Variants in HEATR5A observed in about 807,000 individuals in gnomAD.
The protein encoded by HEATR5A is HEAT repeat-containing protein 5A.
In HEATR5A, 178 loss-of-function variants were observed where a neutral mutation model predicts 218.8. The ratio of observed to expected loss-of-function variants is 0.81; its 90% CI spans 0.72 to 0.92. The LOEUF (loss-of-function observed/expected upper bound fraction) is 0.92, where lower values mean the gene tolerates loss of function less well. Among genes scored for constraint, HEATR5A ranks in the 40% least tolerant of loss-of-function variants. The probability of loss-of-function intolerance (pLI) is 0.00; values close to 1 mark genes in which losing one functional copy is unlikely to be tolerated. For synonymous variants in HEATR5A, 864 were observed against 871.6 expected (o/e 0.99, Z 0.15); for missense variants, 2,420 against 2,418.9 (o/e 1.00, Z -0.01).
At chr14:31,328,550 A>G (rs1005507903) in intron 22 of HEATR5A, among the ~76,000 whole-genome samples, 1 of 152,128 alleles carries the variant, frequency 6.6e-6, no homozygotes, top group Non-Finnish European at 1.5e-5. Context: ...TCATACTGCT[A>G]TAAAGACATA....
chr14:31,344,958 T>C, intron 20 of HEATR5A, 129 bp downstream of exon 20: 2 of 722,114 alleles, frequency 2.8e-6, no homozygotes, highest in Non-Finnish European at 4.6e-6. Flanking sequence ...TCAGGCTGAA[T>C]GGCATTTATA....
In HEATR5A at chr14:31,302,388, A is replaced by G; in HGVS notation, c.5371T>C (p.Ser1791Pro). 6.2e-7 allele frequency: 1 copy of G among 1,603,404 alleles called. No individual in the cohort carries two copies. Among genetic ancestry groups the G allele is most frequent in the Non-Finnish European group, 8.5e-7 (1 of 1,174,758 alleles). Reference protein sequence around the residue: ...ASLQALKGILSSPMARAEKSR... With the variant: ...ASLQALKGILPSPMARAEKSR... ...TTTTCTGCCCGGGCCATGGGAGAAG[A>G]TAATATTCCTTTTAGAGCCTGTAGG... Residue 1791 changes from serine (S) to proline (P), a missense_variant, in exon 33 of 36, where the codon TCT (serine) becomes CCT (proline). By Grantham distance (74) the Ser-to-Pro change is moderately conservative. Transcript: ENST00000543095.
intron 14 of HEATR5A, among the ~76,000 whole-genome samples, chr14:31,359,774 A>G (rs1901558006): frequency 6.6e-6 from 1 of 150,858 alleles, no homozygotes; most frequent in African/African-American, 2.4e-5. Context: ...GAGAAAACTT[A>G]GACATGTTAT....
intron 3 of HEATR5A, among the ~76,000 whole-genome samples, chr14:31,399,770 C>T (rs559656834): frequency 6.6e-6 from 1 of 152,236 alleles, no homozygotes; most frequent in South Asian, 2.1e-4. Context: ...GCAGAGGTTG[C>T]AGTGAGTCGA....
intron 1 of HEATR5A, among the ~76,000 whole-genome samples, chr14:31,410,387 T>A (rs2031232394): frequency 6.6e-6 from 1 of 152,118 alleles, no homozygotes; most frequent in African/African-American, 2.4e-5. Flanking sequence ...AATACAGTAA[T>A]TAGCTTTCAT....
At chr14:31,382,017 C>T (rs900455013) in intron 10 of HEATR5A, among the ~76,000 whole-genome samples, 1 of 152,214 alleles carries the variant, frequency 6.6e-6, no homozygotes, top group African/African-American at 2.4e-5. Flanking sequence ...TAATTTAGGA[C>T]TCCCTGCAGC....
intron 24 of HEATR5A, 139 bp from the exon 25 acceptor site, chr14:31,321,819 TTAAA>T: frequency 1.5e-6 from 1 of 646,576 alleles, no homozygotes; most frequent in South Asian, 2.2e-5. Flanking sequence ...TTGCTGTTTG[TTAAA>T]TAGAGACTTT....
intron 22 of HEATR5A, among the ~76,000 whole-genome samples, chr14:31,333,412 C>T (rs2378851): frequency 0.86 from 130,763 of 151,898 alleles, 56,904 homozygotes; most frequent in Non-Finnish European, 0.93. Flanking sequence ...TCATCACATC[C>T]GGCTAATTTT....
In HEATR5A at chr14:31,305,077, C is replaced by T. The variant is rs774475636; in HGVS notation, c.5067G>A (p.Leu1689=). Residue 1689 remains leucine (L), a synonymous_variant, in exon 32 of 36, where the codon CTG becomes CTA. Coordinates refer to ENST00000543095, the MANE Select transcript of HEATR5A (RefSeq NM_015473.4). The part of the protein sequence containing the change: ...VPGKSLVFAT[L]ELCVCILVRQ... ...TAACTAGAATGCATACACACAATTCCAGTGTTGCAAAGACCAAAGACTTTC... is the reference window on the plus strand; with the variant it reads ...TAACTAGAATGCATACACACAATTCTAGTGTTGCAAAGACCAAAGACTTTC... 2.5e-6 allele frequency: 4 copies of T among 1,613,948 alleles called. No homozygotes were observed. Among genetic ancestry groups the T allele is most frequent in the Non-Finnish European group, 2.5e-6 (3 of 1,179,860 alleles).
intron 13 of HEATR5A, among the ~76,000 whole-genome samples, chr14:31,370,618 T>A (rs1431813817): frequency 6.6e-6 from 1 of 152,196 alleles, no homozygotes; most frequent in South Asian, 2.1e-4. Context: ...CTTAAACAGC[T>A]TGAGTACAAA....
At chr14:31,301,124 G>C (rs1432574601) in intron 33 of HEATR5A, among the ~76,000 whole-genome samples, 4 of 152,132 alleles carry the variant, frequency 2.6e-5, no homozygotes, top group Admixed American at 6.6e-5. Flanking sequence ...ATGGCAAATT[G>C]TGACATTTAT....
At chr14:31,327,168 T>C (rs957037983) in intron 22 of HEATR5A, among the ~76,000 whole-genome samples, 3 of 151,774 alleles carry the variant, frequency 2.0e-5, no homozygotes, top group South Asian at 2.1e-4. Context: ...AGAGACGGGG[T>C]TTCACCATGT....
At position 31,349,771 on chromosome 14, in the gene HEATR5A, A is replaced by T. The variant is rs1430404066; in HGVS notation, c.2708+18T>A. 1 of 1,572,062 alleles carries T rather than the reference A, an allele frequency of 6.4e-7. No individual in the cohort carries two copies. The highest frequency in any genetic ancestry group is 1.7e-5 in the Admixed American group (1 of 59,094). On this transcript the variant is annotated intron_variant, in intron 18 of 35. Transcript: ENST00000543095. ...TTTGAAACATAGCCTCTGAATATTAAATAAGAAATTCACTTACTTGTCAAA... is the reference window on the plus strand; with the variant it reads ...TTTGAAACATAGCCTCTGAATATTATATAAGAAATTCACTTACTTGTCAAA...
At chr14:31,360,410 G>C (rs1033706156) in intron 14 of HEATR5A, among the ~76,000 whole-genome samples, 2 of 152,110 alleles carry the variant, frequency 1.3e-5, no homozygotes, top group African/African-American at 2.4e-5. Context: ...TGATGGGCAG[G>C]GTGGGGTGCA....
chr14:31,371,142 A>C lies in HEATR5A; in HGVS notation c.1961+668T>G, dbSNP rs547143695. ...CACCTATTATCCGTGACTGCTTTTG[A>C]GCTACGATGAGAGAGTTGAGTAGCT... On this transcript the variant is annotated intron_variant, in intron 13 of 35. Transcript: ENST00000543095. Among the ~76,000 whole-genome samples, 33 of 152,298 alleles carry C rather than the reference A, an allele frequency of 2.2e-4. No individual in the cohort carries two copies. The South Asian group carries it at 6.8e-3, about 32-fold the overall frequency.
intron 6 of HEATR5A, 88 bp from the exon 7 acceptor site, chr14:31,389,093 A>G: frequency 8.4e-7 from 1 of 1,185,180 alleles, no homozygotes; most frequent in Non-Finnish European, 1.2e-6. Flanking sequence ...GTTAATAGAA[A>G]CAAAAATAAA....
chr14:31,387,973 T>C (rs921479811), intron 7 of HEATR5A, among the ~76,000 whole-genome samples: 1 of 152,226 alleles, frequency 6.6e-6, no homozygotes, highest in East Asian at 1.9e-4. Flanking sequence ...AAAATGTATC[T>C]GTGGCTTCTG....
At position 31,346,961 on chromosome 14, in the gene HEATR5A, G is replaced by C. The variant is rs139103164; in HGVS notation, c.2868+787C>G. Among the ~76,000 whole-genome samples the C allele has an allele frequency of 3.0e-4, 45 of 152,250 alleles. No homozygotes were observed. In the East Asian group the frequency reaches 7.3e-3, roughly 25 times the overall value. ...GATATGTACAACGATATGGTAAAGT[G>C]GTTAAGAACAGGAGTTTGGAGTCTA... On this transcript the variant is annotated intron_variant, in intron 19 of 35. Coordinates refer to ENST00000543095, the MANE Select transcript of HEATR5A (RefSeq NM_015473.4).
intron 30 of HEATR5A, 142 bp downstream of exon 30, chr14:31,307,751 G>T: frequency 1.2e-6 from 1 of 819,480 alleles, no homozygotes. Flanking sequence ...TGGCATTCTG[G>T]TTCCAAGGCC....
Sources: allele counts gnomAD v4.1 joint callset (sites outside exome capture counted in the v4.1 genomes callset), GRCh38; gene constraint gnomAD v4.1.1; transcripts MANE v1.5; gene names NCBI Gene and HGNC (gene_info 2026-07-23, HGNC 2026-07-21).